Variants in PTPRT observed in about 807,000 individuals in gnomAD.
PTPRT encodes receptor-type tyrosine-protein phosphatase T.
PTPRT carries 56 observed loss-of-function variants against 176.8 expected under a neutral mutation model. That is an observed-to-expected ratio of 0.32 (90% CI 0.26 to 0.40). The LOEUF (loss-of-function observed/expected upper bound fraction) is 0.40. PTPRT is among the 10% of genes least tolerant of loss of function. PTPRT has a pLI of 1.00. For missense variants in PTPRT, 1,540 were observed against 1,908.2 expected (o/e 0.81, Z 3.60); for synonymous variants, 783 against 739.0 (o/e 1.06, Z -0.96).
At chr20:42,227,371 G>A (rs914514734) in intron 15 of PTPRT, among the ~76,000 whole-genome samples, 1 of 151,966 alleles carries the variant, frequency 6.6e-6, no homozygotes, top group African/African-American at 2.4e-5. Context: ...TGAGTGAGGC[G>A]GCTCCAAAGG....
intron 9 of PTPRT, among the ~76,000 whole-genome samples, chr20:42,447,162 C>T (rs2070748278): frequency 6.6e-6 from 1 of 152,156 alleles, no homozygotes; most frequent in Non-Finnish European, 1.5e-5. Context: ...AGCCCACTCC[C>T]TATACATGCA....
intron 16 of PTPRT, among the ~76,000 whole-genome samples, chr20:42,191,072 C>T (rs934505032): frequency 8.6e-5 from 13 of 152,018 alleles, no homozygotes; most frequent in Non-Finnish European, 5.9e-5. Context: ...AATTAATGCT[C>T]TGTATATAAT....
intron 1 of PTPRT, among the ~76,000 whole-genome samples, chr20:43,094,351 G>C (rs1013581405): frequency 3.4e-5 from 5 of 147,022 alleles, no homozygotes; most frequent in Non-Finnish European, 7.4e-5. Context: ...CTCCCGAAGT[G>C]CTGGGATTAC....
chr20:42,288,433 G>T (rs956698412), intron 12 of PTPRT, among the ~76,000 whole-genome samples: 1 of 151,848 alleles, frequency 6.6e-6, no homozygotes, highest in African/African-American at 2.4e-5. Context: ...CTGAGGTTAG[G>T]GCTTCTATTG....
intron 7 of PTPRT, among the ~76,000 whole-genome samples, chr20:42,488,259 C>T (rs1346067961): frequency 1.3e-5 from 2 of 152,104 alleles, no homozygotes; most frequent in African/African-American, 4.8e-5. Flanking sequence ...GGTCTACATT[C>T]CTAGGGGCAG....
At chr20:42,995,036 T>C (rs144347634) in intron 1 of PTPRT, among the ~76,000 whole-genome samples, 1 of 152,350 alleles carries the variant, frequency 6.6e-6, no homozygotes, top group African/African-American at 2.4e-5. Flanking sequence ...GCTCTTTGTT[T>C]AGGGAAACAT....
At chr20:42,991,937 C>G (rs1190878630) in intron 1 of PTPRT, among the ~76,000 whole-genome samples, 1 of 152,064 alleles carries the variant, frequency 6.6e-6, no homozygotes, top group Non-Finnish European at 1.5e-5. Flanking sequence ...AACAGTCTTC[C>G]AAATACAGCC....
chr20:42,343,748 C>T (rs978525067), intron 11 of PTPRT, among the ~76,000 whole-genome samples: 7 of 152,178 alleles, frequency 4.6e-5, no homozygotes, highest in African/African-American at 1.7e-4. Context: ...CACTGGCCAG[C>T]ACTTCGCATG....
intron 16 of PTPRT, among the ~76,000 whole-genome samples, chr20:42,180,170 A>G (rs1399766232): frequency 6.6e-6 from 1 of 152,158 alleles, no homozygotes; most frequent in African/African-American, 2.4e-5. Flanking sequence ...AACCCATTTA[A>G]TTTACAATGG....
intron 7 of PTPRT, among the ~76,000 whole-genome samples, chr20:42,670,432 A>G (rs1177878306): frequency 6.6e-6 from 1 of 152,186 alleles, no homozygotes; most frequent in East Asian, 1.9e-4. Flanking sequence ...TAAAGCCTCT[A>G]TCCTTTTCAT....
intron 7 of PTPRT, among the ~76,000 whole-genome samples, chr20:42,663,720 G>A (rs1165927198): frequency 3.9e-5 from 6 of 152,112 alleles, no homozygotes; most frequent in East Asian, 1.9e-4. Context: ...ACTTACACTC[G>A]TGGTTTTGTA....
chr20:42,158,542 C>T (rs1359531286), intron 17 of PTPRT, among the ~76,000 whole-genome samples: 3 of 152,150 alleles, frequency 2.0e-5, no homozygotes, highest in Non-Finnish European at 4.4e-5. Context: ...GCACTGGAGG[C>T]TCAGGAGTCT....
chr20:43,093,342 C>T (rs1164368946), intron 1 of PTPRT, among the ~76,000 whole-genome samples: 1 of 152,216 alleles, frequency 6.6e-6, no homozygotes, highest in Non-Finnish European at 1.5e-5. Flanking sequence ...TGCATATATT[C>T]AAAGTCTTCC....
At chr20:42,916,233 C>A (rs1241227569) in intron 1 of PTPRT, among the ~76,000 whole-genome samples, 2 of 150,554 alleles carry the variant, frequency 1.3e-5, no homozygotes, top group Non-Finnish European at 2.9e-5. Flanking sequence ...TATGTCCTTG[C>A]GATAGTTTAC....
At chr20:42,906,450 C>T (rs1251005665) in intron 1 of PTPRT, among the ~76,000 whole-genome samples, 1 of 152,198 alleles carries the variant, frequency 6.6e-6, no homozygotes, top group Non-Finnish European at 1.5e-5. Context: ...TCCAAGCCCA[C>T]ATGTGATCCG....
chr20:42,963,025 C>T (rs1184437618), intron 1 of PTPRT, among the ~76,000 whole-genome samples: 1 of 151,880 alleles, frequency 6.6e-6, no homozygotes, highest in Non-Finnish European at 1.5e-5. Context: ...GGTGAAACCC[C>T]GTCTCTATTA....
At chr20:42,339,783 C>T (rs1169843322) in intron 11 of PTPRT, among the ~76,000 whole-genome samples, 3 of 152,190 alleles carry the variant, frequency 2.0e-5, no homozygotes, top group Non-Finnish European at 2.9e-5. Flanking sequence ...TATACCACTT[C>T]CCACATTCTA....
Position 42,239,413 on chromosome 20 carries a change from C to CTT in PTPRT, c.2313-3157_2313-3156dup, listed in dbSNP as rs35978863. ...ATAAAGCTTGTAGCTCATTTTCTTT[C>CTT]TTTTTTTTTTTTTTTTTTTTTTTTT... On this transcript the variant is annotated intron_variant, in intron 14 of 30. Transcript: ENST00000373187. Among the ~76,000 whole-genome samples the CTT allele has an allele frequency of 9.6e-3, 777 of 81,210 alleles. 7 individuals carry two copies. The highest frequency in any genetic ancestry group is 0.013 in the Middle Eastern group (1 of 76). 53.3% of individuals were successfully genotyped at this position (81,210 alleles called of 152,430 possible).
chr20:42,707,317 TAA>T (rs1391475678), intron 6 of PTPRT, among the ~76,000 whole-genome samples: 1 of 152,202 alleles, frequency 6.6e-6, no homozygotes, highest in Admixed American at 6.5e-5. Context: ...GGGCCCTGTA[TAA>T]TCCTTGGGAG....
Sources: allele counts gnomAD v4.1 joint callset (sites outside exome capture counted in the v4.1 genomes callset), GRCh38; gene constraint gnomAD v4.1.1; transcripts MANE v1.5; gene names NCBI Gene and HGNC (gene_info 2026-07-23, HGNC 2026-07-21).